The following FAM53A variants were observed in gnomAD, a reference collection of about 807,000 sequenced individuals.
FAM53A encodes the protein family with sequence similarity 53 member A.
FAM53A carries 28 observed loss-of-function variants against 26.6 expected under a neutral mutation model. That is an observed-to-expected ratio of 1.05 (90% CI 0.78 to 1.45). FAM53A has a LOEUF of 1.45. Among genes scored for constraint, FAM53A ranks in the 40% most tolerant of loss-of-function variants. FAM53A has a pLI of 0.00. For synonymous variants in FAM53A, 290 were observed against 253.1 expected (o/e 1.15, Z -1.38); for missense variants, 650 against 575.8 (o/e 1.13, Z -1.32).
chr4:1,676,066 G>A (rs11730471), intron 1 of FAM53A, among the ~76,000 whole-genome samples: 89,322 of 152,190 alleles, frequency 0.59, 27,749 homozygotes, highest in East Asian at 0.89. Context: ...AATTTAATTC[G>A]ATCCACATGC....
intron 1 of FAM53A, among the ~76,000 whole-genome samples, chr4:1,625,658 G>A (rs111376250): frequency 8.1e-6 from 1 of 123,392 alleles, no homozygotes; most frequent in Admixed American, 7.9e-5. Flanking sequence ...CCCACGTCCC[G>A]ACCCACGTGG....
intron 4 of FAM53A, chr4:1,644,465 C>T (rs1480895618): frequency 7.8e-7 from 1 of 1,277,130 alleles, no homozygotes; most frequent in Non-Finnish European, 1.1e-6. Flanking sequence ...TAGCGAAGGC[C>T]ACACGGAACT....
chr4:1,610,915 C>T, the FAM53A span, among the ~76,000 whole-genome samples: 2 of 152,214 alleles, frequency 1.3e-5, no homozygotes, highest in African/African-American at 4.8e-5. Flanking sequence ...CAGCCCTGTC[C>T]GCAGCACACC....
chr4:1,576,050 G>A, the FAM53A span, among the ~76,000 whole-genome samples: 9 of 152,208 alleles, frequency 5.9e-5, no homozygotes, highest in African/African-American at 2.2e-4. Context: ...CCTATGCGGT[G>A]AGTCCACCTT....
intron 4 of FAM53A, among the ~76,000 whole-genome samples, chr4:1,652,995 A>T (rs528049778): frequency 6.7e-6 from 1 of 148,928 alleles, no homozygotes; most frequent in African/African-American, 2.5e-5. Context: ...CACAACACAC[A>T]TCCCACACAC....
chr4:1,606,389 A>G, the FAM53A span, among the ~76,000 whole-genome samples: 1 of 150,048 alleles, frequency 6.7e-6, no homozygotes, highest in Non-Finnish European at 1.5e-5. Flanking sequence ...CAAAAGCCAC[A>G]CTCCCCACCC....
chr4:1,663,157 A>G (rs571965453), intron 2 of FAM53A, among the ~76,000 whole-genome samples: 1 of 150,846 alleles, frequency 6.6e-6, no homozygotes, highest in Non-Finnish European at 1.5e-5. Context: ...GCGCCACTGC[A>G]CTCCAGCCTG....
chr4:1,642,100 C>G (rs1711768150), intron 4 of FAM53A, among the ~76,000 whole-genome samples: 1 of 152,168 alleles, frequency 6.6e-6, no homozygotes, highest in Non-Finnish European at 1.5e-5. Context: ...CTCTGTCTCT[C>G]CTCCACCTGC....
chr4:1,656,575 G>C (rs965670773), intron 3 of FAM53A, among the ~76,000 whole-genome samples: 2 of 152,220 alleles, frequency 1.3e-5, no homozygotes, highest in East Asian at 3.9e-4. Context: ...GAAGCGCTGC[G>C]GGGCTCTGAG....
chr4:1,646,169 C>G (rs1021319428), intron 4 of FAM53A, among the ~76,000 whole-genome samples: 1 of 151,942 alleles, frequency 6.6e-6, no homozygotes, highest in Non-Finnish European at 1.5e-5. Flanking sequence ...GGCGCGGTCT[C>G]GGCTCACTGC....
At chr4:1,619,839 C>G (rs1365835823) in intron 1 of FAM53A, among the ~76,000 whole-genome samples, 3 of 152,222 alleles carry the variant, frequency 2.0e-5, no homozygotes, top group Non-Finnish European at 4.4e-5. Flanking sequence ...CCTGGATCTG[C>G]TTCACTTCAT....
Position 1,655,378 on chromosome 4 carries a change from C to CGCGTG in FAM53A, c.477_481dup (p.Arg161ProfsTer132), listed in dbSNP as rs1245392192. On this transcript the variant is annotated frameshift_variant, in exon 4 of 5. Transcript: ENST00000308132. LOFTEE classifies it high-confidence loss of function. ...CAGGACGGCGCCGGGGCTTCCCTGCCGCGTGGCACTCCCGCCGCTGTCGCA... is the reference window on the plus strand; with the variant it reads ...CAGGACGGCGCCGGGGCTTCCCTGCCGCGTGGCGTGGCACTCCCGCCGCTGTCGCA... The CGCGTG allele has an allele frequency of 1.4e-6, 2 of 1,447,650 alleles. No homozygotes were observed. Among genetic ancestry groups the CGCGTG allele is most frequent in the Non-Finnish European group, 1.8e-6 (2 of 1,100,774 alleles). 89.7% of individuals were successfully genotyped at this position (1,447,650 alleles called of 1,614,324 possible).
At chr4:1,679,243 C>T (rs928730546) in intron 1 of FAM53A, among the ~76,000 whole-genome samples, 2 of 151,564 alleles carry the variant, frequency 1.3e-5, no homozygotes, top group Admixed American at 6.6e-5. Flanking sequence ...AAAAATTAGC[C>T]GGGCGTGTGG....
the FAM53A span, among the ~76,000 whole-genome samples, chr4:1,597,776 A>G: frequency 6.6e-6 from 1 of 152,248 alleles, no homozygotes; most frequent in Non-Finnish European, 1.5e-5. Context: ...CAGGCAGATC[A>G]CATGAGGTCA....
At position 1,652,362 on chromosome 4, in the gene FAM53A, GCACAACACA is replaced by G. The variant is rs1296387023; in HGVS notation, c.882+2607_882+2615del. On this transcript the variant is annotated intron_variant, in intron 4 of 4. Coordinates refer to ENST00000308132, the MANE Select transcript of FAM53A (RefSeq NM_001174070.3). ...GCTATACACACACCACACGTCACACGCACAACACACACAACACACATCACATGCACACCA... is the reference window on the plus strand; with the variant it reads ...GCTATACACACACCACACGTCACACGCACAACACACATCACATGCACACCA... Among the ~76,000 whole-genome samples, 35 of 101,782 alleles carry G rather than the reference GCACAACACA, an allele frequency of 3.4e-4. 4 individuals carry two copies. The East Asian group carries it at 4.6e-3, about 13-fold the overall frequency. 66.8% of individuals were successfully genotyped at this position (101,782 alleles called of 152,430 possible).
the FAM53A span, among the ~76,000 whole-genome samples, chr4:1,611,313 G>A: frequency 1.3e-5 from 2 of 152,148 alleles, no homozygotes; most frequent in Non-Finnish European, 2.9e-5. Context: ...GGCTGGAGGG[G>A]GGCCCCCGCC....
intron 2 of FAM53A, among the ~76,000 whole-genome samples, chr4:1,664,198 T>C (rs1714059618): frequency 6.6e-6 from 1 of 152,208 alleles, no homozygotes; most frequent in Non-Finnish European, 1.5e-5. Flanking sequence ...AAAATGACAT[T>C]CTGGTCATGT....
chr4:1,682,840 G>A (rs950017563), intron 1 of FAM53A, among the ~76,000 whole-genome samples: 1 of 152,094 alleles, frequency 6.6e-6, no homozygotes, highest in Non-Finnish European at 1.5e-5. Context: ...ACTTCAAGTG[G>A]TAACAAAAAC....
chr4:1,631,977 A>C (rs1336775314), intron 1 of FAM53A, among the ~76,000 whole-genome samples: 4 of 152,154 alleles, frequency 2.6e-5, no homozygotes, highest in Non-Finnish European at 5.9e-5. Flanking sequence ...AGCCTGGCCA[A>C]CATGATGAAA....
Sources: allele counts gnomAD v4.1 joint callset (sites outside exome capture counted in the v4.1 genomes callset), GRCh38; gene constraint gnomAD v4.1.1; transcripts MANE v1.5; gene names NCBI Gene and HGNC (gene_info 2026-07-23, HGNC 2026-07-21).